CMSS1: variants seen among roughly 807,000 people sequenced by gnomAD.
CMSS1 encodes the protein cms1 ribosomal small subunit homolog, also known as protein CMSS1.
In CMSS1, 33 loss-of-function variants were observed where a neutral mutation model predicts 43.5. The observed-to-expected ratio is 0.76, with a 90% CI of 0.57 to 1.01. CMSS1 has a LOEUF of 1.01. Among genes scored for constraint, CMSS1 ranks in the 50% least tolerant of loss-of-function variants. The probability of loss-of-function intolerance (pLI) is 0.00; values close to 1 mark genes in which losing one functional copy is unlikely to be tolerated. For synonymous variants in CMSS1, 115 were observed against 117.2 expected (o/e 0.98, Z 0.12); for missense variants, 313 against 326.4 (o/e 0.96, Z 0.32).
In CMSS1 at chr3:100,052,404, G is replaced by A. The variant is rs558546543; in HGVS notation, c.65-94569G>A. Among the ~76,000 whole-genome samples the A allele has an allele frequency of 4.2e-4, 64 of 152,324 alleles. 3 individuals are homozygous for A. The South Asian group carries it at 0.013, about 31-fold the overall frequency. ...TTGTTCCAAGGTCTGAGGGGTAGTA[G>A]TGGTGGTGATGGTAGTGGTGTATCC... On this transcript the variant is annotated intron_variant, in intron 1 of 9. Transcript: ENST00000421999.
chr3:100,102,273 C>A (rs907113569), intron 1 of CMSS1, among the ~76,000 whole-genome samples: 3 of 152,158 alleles, frequency 2.0e-5, no homozygotes, highest in African/African-American at 7.2e-5. Flanking sequence ...CACATCCTCT[C>A]CAGCACCTGT....
rs1463016088 is a variant in CMSS1, at chr3:99,850,885, G to T, written c.64+32842G>T. ...GGTATGTGTTTCCTTTGCATTTGTGGTCAGCTCTTGGATTTTCTGTCTTTG... is the reference window on the plus strand; with the variant it reads ...GGTATGTGTTTCCTTTGCATTTGTGTTCAGCTCTTGGATTTTCTGTCTTTG... On this transcript the variant is annotated intron_variant, in intron 1 of 9. Coordinates refer to ENST00000421999, the MANE Select transcript of CMSS1 (RefSeq NM_032359.4). 1.9e-6 allele frequency: 3 copies of T among 1,614,104 alleles called. No homozygotes were observed. The South Asian group carries it at 3.3e-5, about 18-fold the overall frequency.
intron 1 of CMSS1, among the ~76,000 whole-genome samples, chr3:99,882,993 C>CTTGCA (rs1379784122): frequency 6.6e-6 from 1 of 151,966 alleles, no homozygotes; most frequent in Non-Finnish European, 1.5e-5. Context: ...ACACCATTAT[C>CTTGCA]TTGCATGCTT....
intron 1 of CMSS1, among the ~76,000 whole-genome samples, chr3:100,049,790 C>T (rs1384451815): frequency 6.6e-6 from 1 of 152,170 alleles, no homozygotes; most frequent in Non-Finnish European, 1.5e-5. Flanking sequence ...CTCTAGCTCA[C>T]TTTATTGTAA....
chr3:100,116,081 A>G (rs969195461), intron 1 of CMSS1, among the ~76,000 whole-genome samples: 2 of 152,210 alleles, frequency 1.3e-5, no homozygotes, highest in African/African-American at 2.4e-5. Context: ...ACAATGCTGT[A>G]TTCTTCTTAA....
intron 1 of CMSS1, chr3:99,850,572 G>A (rs757820734): frequency 6.2e-7 from 1 of 1,613,718 alleles, no homozygotes; most frequent in South Asian, 1.1e-5. Flanking sequence ...CTTCAGCCAT[G>A]ATACCAGCGT....
At chr3:100,032,626 G>C (rs548498416) in intron 1 of CMSS1, among the ~76,000 whole-genome samples, 1 of 152,132 alleles carries the variant, frequency 6.6e-6, no homozygotes, top group South Asian at 2.1e-4. Flanking sequence ...TGACATAAAG[G>C]CTATATTGAC....
At chr3:99,981,542 T>TCATC (rs1709124941) in intron 1 of CMSS1, among the ~76,000 whole-genome samples, 1 of 152,194 alleles carries the variant, frequency 6.6e-6, no homozygotes, top group Non-Finnish European at 1.5e-5. Flanking sequence ...CCTGATTTGA[T>TCATC]CATCACACAG....
intron 1 of CMSS1, chr3:100,011,667 A>T (rs1427994716): frequency 1.3e-5 from 2 of 152,218 alleles, no homozygotes; most frequent in Admixed American, 6.5e-5. Context: ...CTGCCAAAAA[A>T]GTTCATGTAT....
At chr3:99,867,961 A>G (rs760649536) in intron 1 of CMSS1, among the ~76,000 whole-genome samples, 2 of 152,222 alleles carry the variant, frequency 1.3e-5, no homozygotes, top group Non-Finnish European at 2.9e-5. Flanking sequence ...ATTAACACCT[A>G]GGCAAAAAGT....
At chr3:100,155,548 C>T (rs939193284) in intron 2 of CMSS1, among the ~76,000 whole-genome samples, 32 of 152,208 alleles carry the variant, frequency 2.1e-4, no homozygotes, top group Non-Finnish European at 1.2e-4. Context: ...GCCCACTGAA[C>T]AATTGAGACC....
intron 1 of CMSS1, among the ~76,000 whole-genome samples, chr3:99,907,545 C>T (rs1559683795): frequency 1.3e-5 from 2 of 152,198 alleles, no homozygotes; most frequent in Non-Finnish European, 1.5e-5. Flanking sequence ...ACGCACCTGG[C>T]GTACCCCTTT....
intron 1 of CMSS1, among the ~76,000 whole-genome samples, chr3:100,093,113 GT>G (rs1033780449): frequency 6.6e-6 from 1 of 151,964 alleles, no homozygotes; most frequent in African/African-American, 2.4e-5. Flanking sequence ...AAAAGAAAAG[GT>G]TAGCTCATTT....
At chr3:99,951,394 G>A (rs1245785694) in intron 1 of CMSS1, among the ~76,000 whole-genome samples, 1 of 152,072 alleles carries the variant, frequency 6.6e-6, no homozygotes, top group Non-Finnish European at 1.5e-5. Context: ...GTTTGCTCAC[G>A]GATACCTTGC....
intron 1 of CMSS1, among the ~76,000 whole-genome samples, chr3:100,135,218 A>C (rs532881997): frequency 6.6e-6 from 1 of 152,308 alleles, no homozygotes; most frequent in Admixed American, 6.5e-5. Flanking sequence ...ACCAACATCC[A>C]TGGCTCTGTT....
intron 1 of CMSS1, among the ~76,000 whole-genome samples, chr3:99,933,580 C>T (rs1707560451): frequency 6.6e-6 from 1 of 152,056 alleles, no homozygotes; most frequent in African/African-American, 2.4e-5. Flanking sequence ...TTTCCCCACC[C>T]CTATTGTATT....
intron 1 of CMSS1, among the ~76,000 whole-genome samples, chr3:100,128,960 T>G (rs189066455): frequency 1.4e-4 from 21 of 152,306 alleles, no homozygotes; most frequent in Non-Finnish European, 2.5e-4. Context: ...AGAGTAAAAT[T>G]GGCCTTTTTT....
intron 1 of CMSS1, among the ~76,000 whole-genome samples, chr3:99,835,634 A>G (rs184013829): frequency 6.6e-6 from 1 of 152,216 alleles, no homozygotes; most frequent in African/African-American, 2.4e-5. Context: ...GCAAAGTCAT[A>G]TGTGATTCTG....
chr3:99,831,219 G>A (rs1455931879), intron 1 of CMSS1, among the ~76,000 whole-genome samples: 1 of 152,188 alleles, frequency 6.6e-6, no homozygotes, highest in South Asian at 2.1e-4. Flanking sequence ...ATGACAACAT[G>A]CTTTGTTAAT....
Sources: gnomAD v4.1 joint callset for allele counts (sites outside exome capture counted in the v4.1 genomes callset) on GRCh38, gnomAD v4.1.1 for gene constraint, MANE v1.5 for transcripts, NCBI Gene and HGNC (gene_info 2026-07-23, HGNC 2026-07-21) for gene names.